CACNA2D3: variants seen among roughly 807,000 people sequenced by gnomAD.
CACNA2D3 encodes voltage-dependent calcium channel subunit alpha-2/delta-3.
Under a neutral mutation model 160.6 loss-of-function variants are expected in CACNA2D3, and 60 were observed. The ratio of observed to expected loss-of-function variants is 0.37; its 90% CI spans 0.30 to 0.46. The LOEUF is 0.46. Ranked by LOEUF, CACNA2D3 falls within the 20% of genes least tolerant of loss-of-function variation. CACNA2D3 has a pLI of 1.00. For synonymous variants in CACNA2D3, 558 were observed against 492.9 expected (o/e 1.13, Z -1.75); for missense variants, 1,205 against 1,365.0 (o/e 0.88, Z 1.85).
chr3:54,297,376 C>T (rs992209603), intron 2 of CACNA2D3, among the ~76,000 whole-genome samples: 1 of 152,120 alleles, frequency 6.6e-6, no homozygotes, highest in Admixed American at 6.5e-5. Flanking sequence ...TTATTATTAG[C>T]CCCTGAAGGA....
At chr3:54,418,475 A>T (rs1457489812) in intron 4 of CACNA2D3, among the ~76,000 whole-genome samples, 1 of 151,764 alleles carries the variant, frequency 6.6e-6, no homozygotes, top group Non-Finnish European at 1.5e-5. Context: ...CCAGGTCAAG[A>T]AGAATGATGA....
intron 3 of CACNA2D3, among the ~76,000 whole-genome samples, chr3:54,382,267 T>C (rs1409613867): frequency 6.6e-6 from 1 of 152,232 alleles, no homozygotes; most frequent in African/African-American, 2.4e-5. Flanking sequence ...AGTGGCAGTT[T>C]CTTATATAAT....
At chr3:55,014,968 C>T (rs933332507) in intron 34 of CACNA2D3, among the ~76,000 whole-genome samples, 2 of 152,204 alleles carry the variant, frequency 1.3e-5, no homozygotes, top group African/African-American at 2.4e-5. Flanking sequence ...AGTCGTGCTG[C>T]AAATAGACCC....
At chr3:54,515,381 A>T (rs1172174964) in intron 5 of CACNA2D3, among the ~76,000 whole-genome samples, 1 of 86,408 alleles carries the variant, frequency 1.2e-5, no homozygotes, top group African/African-American at 4.5e-5. Context: ...TGAAAGAACT[A>T]AAGAAGTTGA....
At chr3:54,385,364 G>C (rs1023926727) in intron 3 of CACNA2D3, among the ~76,000 whole-genome samples, 1 of 152,116 alleles carries the variant, frequency 6.6e-6, no homozygotes, top group Admixed American at 6.5e-5. Flanking sequence ...AGGGTCCTGC[G>C]CAAGATTTCA....
intron 4 of CACNA2D3, among the ~76,000 whole-genome samples, chr3:54,387,148 C>T (rs1463398222): frequency 6.6e-6 from 1 of 152,190 alleles, no homozygotes; most frequent in Admixed American, 6.5e-5. Context: ...TGACTGAAAG[C>T]AATACTGTGA....
intron 3 of CACNA2D3, among the ~76,000 whole-genome samples, chr3:54,373,699 T>C (rs1292777338): frequency 6.6e-6 from 1 of 152,210 alleles, no homozygotes; most frequent in Non-Finnish European, 1.5e-5. Flanking sequence ...TTAAGCCTCC[T>C]TTGAATTGGA....
intron 9 of CACNA2D3, chr3:54,626,683 T>TAAAAAAA: frequency 4.1e-6 from 1 of 242,740 alleles, no homozygotes; most frequent in Non-Finnish European, 6.4e-6. Context: ...ATGGTTCCAG[T>TAAAAAAA]CAAAAAAAAA....
At chr3:54,155,249 A>C (rs1415928154) in intron 2 of CACNA2D3, among the ~76,000 whole-genome samples, 1 of 152,202 alleles carries the variant, frequency 6.6e-6, no homozygotes, top group Non-Finnish European at 1.5e-5. Context: ...TTACCCCAAC[A>C]AAGCTTTACC....
chr3:54,457,468 G>A (rs1358576808), intron 4 of CACNA2D3, among the ~76,000 whole-genome samples: 1 of 152,014 alleles, frequency 6.6e-6, no homozygotes, highest in Non-Finnish European at 1.5e-5. Context: ...CTTGTTTTGC[G>A]ATCTAACATA....
chr3:54,207,201 T>C (rs1173081494), intron 2 of CACNA2D3, among the ~76,000 whole-genome samples: 3 of 140,616 alleles, frequency 2.1e-5, no homozygotes, highest in Non-Finnish European at 2.9e-5. Context: ...AGAGCTAATA[T>C]GTGCTGAGTG....
intron 2 of CACNA2D3, among the ~76,000 whole-genome samples, chr3:54,178,386 C>T (rs185992787): frequency 3.3e-5 from 5 of 152,138 alleles, no homozygotes; most frequent in Non-Finnish European, 7.3e-5. Flanking sequence ...GATTGCCTAG[C>T]GATTTTGGTA....
chr3:54,499,992 A>C lies in CACNA2D3; in HGVS notation c.382-3500A>C, dbSNP rs76874592. 4.9e-3 allele frequency among the ~76,000 whole-genome samples: 740 copies of C among 152,254 alleles called. 50 individuals carry two copies. In the East Asian group the frequency reaches 0.13, roughly 26 times the overall value. ...TCAGTTACTGATACAGGGGCATTTA[A>C]GTCTTTAACTATAATAGCTAGTTCA... On this transcript the variant is annotated intron_variant, in intron 4 of 37. Transcript: ENST00000474759.
intron 5 of CACNA2D3, among the ~76,000 whole-genome samples, chr3:54,517,930 A>G (rs1042912660): frequency 2.6e-5 from 4 of 152,148 alleles, no homozygotes; most frequent in Non-Finnish European, 4.4e-5. Context: ...GCATCCTACC[A>G]TAAGAGGTCA....
intron 3 of CACNA2D3, chr3:54,367,554 C>G (rs1392471593): frequency 1.4e-5 from 5 of 356,622 alleles, no homozygotes; most frequent in South Asian, 8.5e-5. Context: ...GAATGAAACC[C>G]ATCAGAGTGG....
intron 27 of CACNA2D3, among the ~76,000 whole-genome samples, chr3:54,926,203 T>C (rs1701012163): frequency 6.6e-6 from 1 of 152,156 alleles, no homozygotes; most frequent in South Asian, 2.1e-4. Context: ...AATAAACATA[T>C]AGCATGCATT....
intron 13 of CACNA2D3, among the ~76,000 whole-genome samples, chr3:54,775,963 C>T (rs1400937749): frequency 6.6e-6 from 1 of 152,200 alleles, no homozygotes; most frequent in Non-Finnish European, 1.5e-5. Flanking sequence ...TACTTGCCAT[C>T]CCCAGTCATC....
chr3:54,703,074 T>C (rs1575430839), intron 11 of CACNA2D3, among the ~76,000 whole-genome samples: 1 of 152,110 alleles, frequency 6.6e-6, no homozygotes, highest in East Asian at 1.9e-4. Flanking sequence ...CCGGGGCTTA[T>C]ATGAGGGTGG....
chr3:54,516,648 C>T (rs1177354697), intron 5 of CACNA2D3, among the ~76,000 whole-genome samples: 2 of 152,164 alleles, frequency 1.3e-5, no homozygotes. Context: ...CTCTGGGTTC[C>T]AAGTCTGGTT....
Sources: allele counts gnomAD v4.1 joint callset (sites outside exome capture counted in the v4.1 genomes callset), GRCh38; gene constraint gnomAD v4.1.1; transcripts MANE v1.5; gene names NCBI Gene and HGNC (gene_info 2026-07-23, HGNC 2026-07-21).